Variants in DIP2C observed in about 807,000 individuals in gnomAD.
DIP2C encodes disco-interacting protein 2 homolog C.
Under a neutral mutation model 192.4 loss-of-function variants are expected in DIP2C, and 33 were observed. The observed-to-expected ratio is 0.17, with a 90% CI of 0.13 to 0.23. The LOEUF (loss-of-function observed/expected upper bound fraction) is 0.23. Among genes scored for constraint, DIP2C ranks in the 10% least tolerant of loss-of-function variants. The pLI, the probability that DIP2C is intolerant of heterozygous loss-of-function variation, is 1.00. For synonymous variants in DIP2C, 979 were observed against 864.1 expected, an observed-to-expected ratio of 1.13 and a Z score of -2.33; for missense variants, 1,537 against 2,110.1, an observed-to-expected ratio of 0.73 and a Z score of 5.32.
intron 1 of DIP2C, among the ~76,000 whole-genome samples, chr10:617,696 C>A (rs1024811167): frequency 7.2e-6 from 1 of 138,484 alleles, no homozygotes; most frequent in Admixed American, 7.4e-5. Flanking sequence ...CTTCCACTTG[C>A]GGTTCCGAAG....
intron 3 of DIP2C, among the ~76,000 whole-genome samples, chr10:453,588 G>A (rs765344796): frequency 9.9e-4 from 150 of 152,208 alleles, no homozygotes; most frequent in Non-Finnish European, 1.7e-3. Context: ...TTAGGGAGAG[G>A]CTAGGAAGTG....
At chr10:485,069 AG>A in intron 2 of DIP2C, 2 of 1,280,116 alleles carry the variant, frequency 1.6e-6, no homozygotes, top group Middle Eastern at 2.8e-4. Flanking sequence ...AGGGGACCAC[AG>A]GGCACGACCG....
chr10:680,161 G>C (rs1222800605), intron 1 of DIP2C, among the ~76,000 whole-genome samples: 2 of 152,178 alleles, frequency 1.3e-5, no homozygotes, highest in African/African-American at 4.8e-5. Context: ...GAACGCTTGG[G>C]ACCCTGGCAC....
At chr10:533,354 G>A (rs1847522822) in intron 1 of DIP2C, among the ~76,000 whole-genome samples, 1 of 152,114 alleles carries the variant, frequency 6.6e-6, no homozygotes, top group South Asian at 2.1e-4. Flanking sequence ...TCCACAGGCA[G>A]GTGCTCAGGG....
intron 7 of DIP2C, among the ~76,000 whole-genome samples, chr10:414,854 G>T (rs1471523077): frequency 1.9e-3 from 77 of 41,280 alleles, no homozygotes; most frequent in South Asian, 9.2e-3. Flanking sequence ...ATATATATTT[G>T]TGTGTGTGTG....
chr10:527,312 ATGT>A (rs1400532151), intron 1 of DIP2C, among the ~76,000 whole-genome samples: 3 of 152,170 alleles, frequency 2.0e-5, no homozygotes, highest in Non-Finnish European at 4.4e-5. Flanking sequence ...GCTTCTTGGC[ATGT>A]TGTTCTGCTC....
chr10:615,660 C>T (rs911232416), intron 1 of DIP2C, among the ~76,000 whole-genome samples: 18 of 152,110 alleles, frequency 1.2e-4, no homozygotes, highest in African/African-American at 4.1e-4. Flanking sequence ...TTTGCTTAGC[C>T]TCTTCACCAG....
At chr10:320,793 A>G (rs1956970476) in intron 31 of DIP2C, among the ~76,000 whole-genome samples, 1 of 152,352 alleles carries the variant, frequency 6.6e-6, no homozygotes, top group South Asian at 2.1e-4. Context: ...TGTGTTCTGT[A>G]AAACAGCTAC....
At chr10:570,707 T>G (rs766745483) in intron 1 of DIP2C, among the ~76,000 whole-genome samples, 1 of 152,250 alleles carries the variant, frequency 6.6e-6, no homozygotes, top group Non-Finnish European at 1.5e-5. Context: ...GATTAAAGTC[T>G]GTTGAGAGGA....
At chr10:521,989 C>T (rs1282238955) in intron 1 of DIP2C, among the ~76,000 whole-genome samples, 1 of 152,084 alleles carries the variant, frequency 6.6e-6, no homozygotes, top group Non-Finnish European at 1.5e-5. Flanking sequence ...GCTGCTCACT[C>T]TGTGGGTTTC....
At chr10:283,952 T>C (rs536823199) in intron 34 of DIP2C, among the ~76,000 whole-genome samples, 1 of 152,128 alleles carries the variant, frequency 6.6e-6, no homozygotes, top group African/African-American at 2.4e-5. Flanking sequence ...GAAACGAAAA[T>C]GCCTGATGTC....
chr10:511,714 GGCTCCGA>G (rs1564806103), intron 1 of DIP2C, among the ~76,000 whole-genome samples: 3 of 152,238 alleles, frequency 2.0e-5, no homozygotes, highest in African/African-American at 7.2e-5. Flanking sequence ...GAAGGGTGGC[GGCTCCGA>G]GCTCTCTTCA....
At chr10:610,001 C>T (rs1399905567) in intron 1 of DIP2C, among the ~76,000 whole-genome samples, 1 of 152,044 alleles carries the variant, frequency 6.6e-6, no homozygotes, top group African/African-American at 2.4e-5. Context: ...GCTCACGTCC[C>T]CCAAATATAA....
chr10:429,050 T>C (rs539414851), intron 4 of DIP2C, among the ~76,000 whole-genome samples: 18 of 152,076 alleles, frequency 1.2e-4, no homozygotes, highest in Admixed American at 3.3e-4. Context: ...GAAACATCAT[T>C]ATCACCCAAA....
chr10:415,492 G>T (rs1486734591), intron 7 of DIP2C, among the ~76,000 whole-genome samples: 2 of 152,056 alleles, frequency 1.3e-5, no homozygotes, highest in Admixed American at 1.3e-4. Flanking sequence ...TACTTTACTT[G>T]TATTTCTATA....
intron 1 of DIP2C, among the ~76,000 whole-genome samples, chr10:504,548 T>C (rs964718283): frequency 6.6e-6 from 1 of 151,894 alleles, no homozygotes; most frequent in Non-Finnish European, 1.5e-5. Context: ...CACCCACGGC[T>C]CCGTGACCAA....
At chr10:357,631 T>C (rs950354413) in intron 23 of DIP2C, among the ~76,000 whole-genome samples, 197 bp downstream of exon 23, 2 of 152,106 alleles carry the variant, frequency 1.3e-5, no homozygotes, top group Admixed American at 1.3e-4. Context: ...GCAGTGGTGG[T>C]CCACCACCAG....
intron 5 of DIP2C, among the ~76,000 whole-genome samples, chr10:422,558 G>A (rs923212787): frequency 2.6e-5 from 4 of 152,214 alleles, no homozygotes; most frequent in African/African-American, 7.2e-5. Flanking sequence ...TCATGTAGGA[G>A]CATAAGTGAG....
At chr10:568,765 C>CAAAAAAAAAAAAAAAAAAAA (rs1206501677) in intron 1 of DIP2C, among the ~76,000 whole-genome samples, 2 of 37,882 alleles carry the variant, frequency 5.3e-5, no homozygotes, top group African/African-American at 1.0e-4. Context: ...AACTCCGTCT[C>CAAAAAAAAAAAAAAAAAAAA]AAAAAAAAAA....
Sources: gnomAD v4.1 joint callset for allele counts (sites outside exome capture counted in the v4.1 genomes callset) on GRCh38, gnomAD v4.1.1 for gene constraint, MANE v1.5 for transcripts, NCBI Gene and HGNC (gene_info 2026-07-23, HGNC 2026-07-21) for gene names.